Variants in WDR45 observed in about 807,000 individuals in gnomAD.
The protein encoded by WDR45 is WD repeat domain 45.
A neutral mutation model predicts 27.3 loss-of-function variants in WDR45; 2 were observed. The observed-to-expected ratio is 0.07, with a 90% CI of 0.03 to 0.23. WDR45 has a LOEUF of 0.23. WDR45 is among the 10% of genes least tolerant of loss of function. The pLI is 1.00. For missense variants in WDR45, 175 were observed against 311.9 expected, an observed-to-expected ratio of 0.56 and a Z score of 3.31; for synonymous variants, 99 against 119.2, an observed-to-expected ratio of 0.83 and a Z score of 1.11.
At chrX:49,086,754 G>GT (rs1557085970) in intron 2 of WDR45, among the ~76,000 whole-genome samples, 1 of 109,940 alleles carries the variant, frequency 9.1e-6, no homozygotes, top group Non-Finnish European at 1.9e-5. Flanking sequence ...CCACCACGAG[G>GT]GCTAGTTTTT....
upstream of WDR45, among the ~76,000 whole-genome samples, chrX:49,081,259 G>A (rs2065065822): frequency 9.5e-6 from 1 of 105,650 alleles, no homozygotes; most frequent in Non-Finnish European, 2.0e-5. Flanking sequence ...GGCTGGGCGC[G>A]GTGGCTCACG....
In WDR45 at chrX:49,074,785, G is replaced by A. The variant is rs782671982; in HGVS notation, c.*18C>T. The A allele has an allele frequency of 4.2e-6, 5 of 1,189,844 alleles. No homozygotes were observed. Among genetic ancestry groups the A allele is most frequent in the Middle Eastern group, 6.1e-4 (2 of 3,264 alleles). ...GCAGTTCTGCCACTGCAGGTCCCTA[G>A]CACAGCCCCCAGGGTCCTTAAAAGT... On this transcript the variant is annotated 3_prime_UTR_variant, in exon 11 of 11. Coordinates refer to ENST00000376372, the MANE Select transcript of WDR45 (RefSeq NM_001029896.2).
intron 2 of WDR45, among the ~76,000 whole-genome samples, chrX:49,085,242 G>A (rs1371559748): frequency 4.5e-5 from 5 of 111,991 alleles, no homozygotes; most frequent in Admixed American, 3.8e-4. Context: ...TGCATATGAG[G>A]CAGCTACCTA....
chrX:49,076,551 G>A (rs367609966), intron 5 of WDR45, 27 bp from the exon 6 acceptor site: 17 of 1,206,598 alleles, frequency 1.4e-5, no homozygotes, highest in African/African-American at 1.7e-5. Context: ...ACACAGGATG[G>A]CCGTGAGGGG....
At chrX:49,081,674 G>T (rs1327677213), upstream of WDR45, among the ~76,000 whole-genome samples, 1 of 94,809 alleles carries the variant, frequency 1.1e-5, no homozygotes, top group African/African-American at 4.0e-5. Context: ...CCTGGGAGAC[G>T]AGCGAAATTC....
chrX:49,077,791 C>T, intron 3 of WDR45, 44 bp from the exon 4 acceptor site: 6 of 1,205,840 alleles, frequency 5.0e-6, no homozygotes, highest in Non-Finnish European at 6.7e-6. Context: ...AGCCAACGCC[C>T]AGCCCAGCTC....
chrX:49,078,790 C>A (rs1416862038), intron 1 of WDR45, among the ~76,000 whole-genome samples: 1 of 112,552 alleles, frequency 8.9e-6, no homozygotes, highest in Admixed American at 9.4e-5. Flanking sequence ...CCACTCCCAA[C>A]CCATTTCTCA....
upstream of WDR45, among the ~76,000 whole-genome samples, chrX:49,083,945 T>TAAA (rs1296886066): frequency 2.1e-5 from 1 of 48,088 alleles, no homozygotes; most frequent in Non-Finnish European, 3.8e-5. Flanking sequence ...ACACTCTGTC[T>TAAA]AAAAAAAAAA....
chrX:49,099,481 G>C (rs1300518209), intron 2 of WDR45, among the ~76,000 whole-genome samples: 1 of 111,490 alleles, frequency 9.0e-6, no homozygotes, highest in Non-Finnish European at 1.9e-5. Flanking sequence ...TAAGAGAAAA[G>C]GAAAGAACAA....
At position 49,091,110 on chromosome X, in the gene WDR45, A is replaced by AC. The variant is rs200389981; in HGVS notation, c.-18+9094dup. 8.2e-3 allele frequency among the ~76,000 whole-genome samples: 901 copies of AC among 110,196 alleles called. 7 individuals are homozygous for AC. The Middle Eastern group carries it at 0.085, about 10-fold the overall frequency. The stretch of plus-strand genomic sequence containing the variant: ...AGTGCTGGGGTTATAGGTGTGAGCC[A>AC]CTGCGCCCGGCTTCCAATAACTTTT... On this transcript the variant is annotated intron_variant, in intron 2 of 11. Transcript: ENST00000356463.
rs186240878 is a variant in WDR45 at position 49,093,740 on chromosome X, T to C, written c.-18+6465A>G. Among the ~76,000 whole-genome samples, 65 of 109,663 alleles carry C rather than the reference T, an allele frequency of 5.9e-4. 3 individuals are homozygous for C. The South Asian group carries it at 0.015, about 25-fold the overall frequency. Reference sequence around the variant, plus strand: ...TATTTTTTGTGAAGATGCGGTCTCATTATGTTGGCCAGGCTGGTCTCAAAC... The same window carrying C: ...TATTTTTTGTGAAGATGCGGTCTCACTATGTTGGCCAGGCTGGTCTCAAAC... On this transcript the variant is annotated intron_variant, in intron 2 of 11. Coordinates refer to the WDR45 transcript ENST00000356463.
intron 1 of WDR45, chrX:49,100,719 G>A (rs1557087995): frequency 8.8e-6 from 1 of 113,024 alleles, no homozygotes; most frequent in African/African-American, 3.3e-5. Context: ...TTCGCCAAAG[G>A]CCCTGACACT....
intron 2 of WDR45, among the ~76,000 whole-genome samples, chrX:49,095,939 A>AT (rs1180781445): frequency 7.2e-4 from 67 of 93,184 alleles, no homozygotes; most frequent in Admixed American, 1.9e-3. Flanking sequence ...TTGTTTTTGT[A>AT]TTTTTTTTTT....
Position 49,075,573 on chromosome X carries a change from G to T in WDR45, c.697C>A (p.Arg233=), listed in dbSNP as rs387907329. 2 of 1,211,751 alleles carry T rather than the reference G, an allele frequency of 1.7e-6. No individual in the cohort carries two copies. The highest frequency in any genetic ancestry group is 3.5e-5 in the South Asian group (2 of 56,992). The part of the protein sequence containing the change: ...QSKEKLVELR[R]GTDPATLYCI... ...TAGAGGGTGGCAGGGTCAGTGCCTC[G>T]GCGCAGCTCCACCAGTTTCTCCTTG... The change falls in exon 8 of 11, where the codon CGA becomes AGA. Residue 233 remains arginine (R), a synonymous_variant. Coordinates refer to ENST00000376372, the MANE Select transcript of WDR45 (RefSeq NM_001029896.2).
Position 49,075,445 on chromosome X carries a change from G to T in WDR45, c.746C>A (p.Ser249Tyr), listed in dbSNP as rs1557083988. Residue 249 changes from serine (S) to tyrosine (Y), a missense_variant, in exon 9 of 11, where the codon TCC (serine) becomes TAC (tyrosine). Transcript: ENST00000376372. ...TLYCINFSHD[S>Y]SFLCASSDKG... ...ATCACTGGAAGCGCAGAGGAAGGAGGAGTCGTGGCTGAAGTTAATGCTAGA... is the reference window on the plus strand; with the variant it reads ...ATCACTGGAAGCGCAGAGGAAGGAGTAGTCGTGGCTGAAGTTAATGCTAGA... 1.7e-6 allele frequency: 2 copies of T among 1,210,398 alleles called. No homozygotes were observed. The highest frequency in any genetic ancestry group is 2.2e-6 in the Non-Finnish European group (2 of 894,750).
At chrX:49,097,768 T>C (rs1468444262) in intron 2 of WDR45, among the ~76,000 whole-genome samples, 1 of 108,512 alleles carries the variant, frequency 9.2e-6, no homozygotes, top group African/African-American at 3.4e-5. Context: ...GCGATTCTCC[T>C]GTCTCGGCCT....
At chrX:49,076,035 C>T in intron 6 of WDR45, 90 bp from the exon 7 acceptor site, 3 of 794,069 alleles carry the variant, frequency 3.8e-6, no homozygotes, top group Non-Finnish European at 5.6e-6. Context: ...CAGACTTCAA[C>T]CCTCCACGAT....
chrX:49,083,042 G>A (rs782743497), upstream of WDR45, among the ~76,000 whole-genome samples: 12 of 111,564 alleles, frequency 1.1e-4, no homozygotes, highest in African/African-American at 3.6e-4. Flanking sequence ...ACCACGCCCG[G>A]CTAATTTTTG....
At position 49,078,248 on chromosome X, in the gene WDR45, G is replaced by C; in HGVS notation, c.-17-136C>G. 1.1e-5 allele frequency: 7 copies of C among 614,251 alleles called. No homozygotes were observed. The South Asian group carries it at 1.7e-4, about 15-fold the overall frequency. 50.6% of individuals were successfully genotyped at this position (614,251 alleles called of 1,213,427 possible). ...CAAAAAAGATAAAAACAGGCCAGGCGTGGTGGCTTATGCCTGTAATCCCAG... is the reference window on the plus strand; with the variant it reads ...CAAAAAAGATAAAAACAGGCCAGGCCTGGTGGCTTATGCCTGTAATCCCAG... On this transcript the variant is annotated intron_variant, in intron 1 of 10. Transcript: ENST00000376372.
Sources: gnomAD v4.1 joint callset for allele counts (sites outside exome capture counted in the v4.1 genomes callset) on GRCh38, gnomAD v4.1.1 for gene constraint, MANE v1.5 for transcripts, NCBI Gene and HGNC (gene_info 2026-07-23, HGNC 2026-07-21) for gene names.